SLIT3: variants seen among roughly 807,000 people sequenced by gnomAD.
The protein encoded by SLIT3 is slit homolog 3 protein.
Under a neutral mutation model 184.0 loss-of-function variants are expected in SLIT3, and 68 were observed. The ratio of observed to expected loss-of-function variants is 0.37; its 90% CI spans 0.30 to 0.45. SLIT3 has a LOEUF of 0.45. Ranked by LOEUF, SLIT3 falls within the 20% of genes least tolerant of loss-of-function variation. The pLI, the probability that SLIT3 is intolerant of heterozygous loss-of-function variation, is 1.00. For synonymous variants in SLIT3, 831 were observed against 828.6 expected (o/e 1.00, Z -0.05); for missense variants, 1,707 against 2,026.0 (o/e 0.84, Z 3.02).
chr5:169,227,854 C>T (rs1049059056), intron 3 of SLIT3, among the ~76,000 whole-genome samples: 1 of 152,232 alleles, frequency 6.6e-6, no homozygotes, highest in Non-Finnish European at 1.5e-5. Context: ...AGAGGAGGAG[C>T]TGAGATTCAG....
At chr5:168,990,189 C>T (rs1016717603) in intron 4 of SLIT3, among the ~76,000 whole-genome samples, 4 of 152,176 alleles carry the variant, frequency 2.6e-5, no homozygotes, top group Admixed American at 2.6e-4. Context: ...GCACCCTTGG[C>T]AATTGCAGCC....
At chr5:168,736,739 A>AGTGCCTGGGCTTGCC (rs1561901574) in intron 20 of SLIT3, among the ~76,000 whole-genome samples, 8 of 151,602 alleles carry the variant, frequency 5.3e-5, no homozygotes, top group African/African-American at 1.9e-4. Flanking sequence ...TGCAATGCAG[A>AGTGCCTGGGCTTGCC]TGTCAGTTTT....
chr5:168,830,005 T>G (rs895299093), intron 6 of SLIT3, among the ~76,000 whole-genome samples: 3 of 152,172 alleles, frequency 2.0e-5, no homozygotes, highest in Non-Finnish European at 4.4e-5. Context: ...GCCACTCTTC[T>G]CAGTCTTGCT....
In SLIT3 at chr5:168,990,127, A is replaced by G. The variant is rs546390222; in HGVS notation, c.414-106791T>C. 6.4e-4 allele frequency among the ~76,000 whole-genome samples: 98 copies of G among 152,332 alleles called. No individual in the cohort carries two copies. The Middle Eastern group carries it at 0.014, about 21-fold the overall frequency. On this transcript the variant is annotated intron_variant, in intron 4 of 35. Transcript: ENST00000519560. ...TGGGATTGTCTAATGAACTCACTAC[A>G]GTCCAACTGAGGCAAGATTTCTACA...
chr5:169,150,054 G>A (rs1044324296), intron 4 of SLIT3, among the ~76,000 whole-genome samples: 3 of 152,198 alleles, frequency 2.0e-5, no homozygotes, highest in Non-Finnish European at 4.4e-5. Context: ...CTGGAAGTTA[G>A]ATGCCAAAAC....
chr5:168,815,512 GAATA>G (rs1270727102), intron 8 of SLIT3, among the ~76,000 whole-genome samples: 1 of 152,002 alleles, frequency 6.6e-6, no homozygotes, highest in Non-Finnish European at 1.5e-5. Flanking sequence ...ACCCTTTGCC[GAATA>G]ATTACTGTAA....
intron 12 of SLIT3, 46 bp from the exon 13 acceptor site, chr5:168,774,424 A>G (rs781085937): frequency 4.5e-6 from 7 of 1,566,968 alleles, no homozygotes; most frequent in Non-Finnish European, 6.1e-6. Context: ...CCTGGTAATT[A>G]CCTGCGGGGC....
rs187982496 is a variant in SLIT3, at chr5:169,120,733, G to A, written c.413+72746C>T. On this transcript the variant is annotated intron_variant, in intron 4 of 35. Coordinates refer to ENST00000519560, the MANE Select transcript of SLIT3 (RefSeq NM_003062.4). ...CGTGCCTGTTCTGTGCCCACCTTGA[G>A]AGCTGCATCCTACCTGTGCTCAGCC... 6.4e-4 allele frequency among the ~76,000 whole-genome samples: 98 copies of A among 152,314 alleles called. No homozygotes were observed. In the East Asian group the frequency reaches 0.014, roughly 22 times the overall value.
chr5:169,145,310 C>T (rs559128355), intron 4 of SLIT3, among the ~76,000 whole-genome samples: 16 of 152,234 alleles, frequency 1.1e-4, no homozygotes, highest in Non-Finnish European at 2.1e-4. Context: ...GCTCGATGCC[C>T]ACTAGGTCTG....
At chr5:169,155,838 C>T (rs1407488088) in intron 4 of SLIT3, among the ~76,000 whole-genome samples, 4 of 152,216 alleles carry the variant, frequency 2.6e-5, no homozygotes, top group Admixed American at 2.0e-4. Flanking sequence ...AGAAGGACCA[C>T]CACTACTCCT....
At chr5:169,244,573 A>C (rs1311784079) in intron 3 of SLIT3, 132 bp downstream of exon 3, 3 of 705,192 alleles carry the variant, frequency 4.3e-6, no homozygotes, top group Non-Finnish European at 7.3e-6. Context: ...TATAATAGCA[A>C]ACATTCTATT....
chr5:169,029,552 G>T (rs1756948202), intron 4 of SLIT3, among the ~76,000 whole-genome samples: 1 of 152,174 alleles, frequency 6.6e-6, no homozygotes, highest in Admixed American at 6.5e-5. Flanking sequence ...AACTAAGCAA[G>T]AAATGAGGGC....
chr5:168,860,889 G>T (rs60089517), intron 5 of SLIT3, among the ~76,000 whole-genome samples: 1,639 of 152,250 alleles, frequency 0.011, 35 homozygotes, highest in African/African-American at 0.037. Flanking sequence ...GCCCGACTCT[G>T]GTGCTTCCCC....
chr5:168,832,008 C>T (rs755463868), intron 6 of SLIT3, among the ~76,000 whole-genome samples: 1 of 152,192 alleles, frequency 6.6e-6, no homozygotes, highest in Non-Finnish European at 1.5e-5. Flanking sequence ...CCCTTGACTC[C>T]GAAGAACTCC....
intron 20 of SLIT3, among the ~76,000 whole-genome samples, chr5:168,747,417 A>G (rs1423583696): frequency 6.6e-6 from 1 of 152,194 alleles, no homozygotes; most frequent in Non-Finnish European, 1.5e-5. Context: ...ATGTGAGCAG[A>G]GTACTTCATA....
At chr5:168,897,753 G>A (rs1480113776) in intron 4 of SLIT3, among the ~76,000 whole-genome samples, 1 of 152,088 alleles carries the variant, frequency 6.6e-6, no homozygotes, top group Non-Finnish European at 1.5e-5. Context: ...GGCAGACAGA[G>A]GTTCTTGCAA....
At chr5:169,134,389 C>T (rs1018311546) in intron 4 of SLIT3, among the ~76,000 whole-genome samples, 2 of 152,142 alleles carry the variant, frequency 1.3e-5, no homozygotes, top group Non-Finnish European at 2.9e-5. Context: ...TTCTTGGACC[C>T]AAGGTCTTCA....
chr5:168,931,418 C>G (rs1364392775), intron 4 of SLIT3, among the ~76,000 whole-genome samples: 1 of 152,162 alleles, frequency 6.6e-6, no homozygotes, highest in African/African-American at 2.4e-5. Context: ...GTGCAAGACA[C>G]TGTGGGAGTA....
intron 4 of SLIT3, among the ~76,000 whole-genome samples, chr5:168,901,537 C>T (rs1399032297): frequency 1.3e-5 from 2 of 152,194 alleles, no homozygotes; most frequent in African/African-American, 2.4e-5. Flanking sequence ...GACCAACACC[C>T]CAACTATTAC....
Sources: gnomAD v4.1 joint callset for allele counts (sites outside exome capture counted in the v4.1 genomes callset) on GRCh38, gnomAD v4.1.1 for gene constraint, MANE v1.5 for transcripts, NCBI Gene and HGNC (gene_info 2026-07-23, HGNC 2026-07-21) for gene names.